Variants in KIF6 observed in about 807,000 individuals in gnomAD.
KIF6 encodes the protein kinesin-like protein KIF6.
In KIF6, 106 loss-of-function variants were observed where a neutral mutation model predicts 112.7. That is an observed-to-expected ratio of 0.94 (90% CI 0.80 to 1.11). KIF6 has a LOEUF of 1.11. Ranked by LOEUF, KIF6 falls within the 50% of genes least tolerant of loss-of-function variation. The probability of loss-of-function intolerance (pLI) is 0.00; values close to 1 mark genes in which losing one functional copy is unlikely to be tolerated. For missense variants in KIF6, 929 were observed against 964.0 expected, an observed-to-expected ratio of 0.96 and a Z score of 0.48; for synonymous variants, 339 against 339.9, an observed-to-expected ratio of 1.00 and a Z score of 0.03.
intron 3 of KIF6, among the ~76,000 whole-genome samples, chr6:39,684,330 C>T (rs970104254): frequency 2.0e-5 from 3 of 151,614 alleles, no homozygotes; most frequent in African/African-American, 7.3e-5. Context: ...GGAGAAACCC[C>T]ATCTCTACTA....
At chr6:39,654,070 A>T (rs929597831) in intron 3 of KIF6, among the ~76,000 whole-genome samples, 1 of 152,120 alleles carries the variant, frequency 6.6e-6, no homozygotes, top group African/African-American at 2.4e-5. Flanking sequence ...TTAACAAGCT[A>T]CTCTTTACAA....
chr6:39,337,188 T>TTTCC lies in KIF6; in HGVS notation c.2429-641_2429-640insGGAA, dbSNP rs1562102616. Among the ~76,000 whole-genome samples, 3 of 94,920 alleles carry TTTCC rather than the reference T, an allele frequency of 3.2e-5. 1 individual carries two copies. The highest frequency in any genetic ancestry group is 2.3e-4 in the African/African-American group (3 of 13,292). 62.3% of individuals were successfully genotyped at this position (94,920 alleles called of 152,430 possible). On this transcript the variant is annotated intron_variant, in intron 22 of 22. Coordinates refer to ENST00000287152, the MANE Select transcript of KIF6 (RefSeq NM_145027.6). Reference sequence around the variant, plus strand: ...CTTTCCTTCCTTCTTTCTTTCTTTCTTTCTTTCTTTCTTTCTTTCTTTCTT... The same window carrying TTTCC: ...CTTTCCTTCCTTCTTTCTTTCTTTCTTTCCTTCTTTCTTTCTTTCTTTCTTTCTT...
At chr6:39,462,091 T>A (rs1773514789) in intron 13 of KIF6, among the ~76,000 whole-genome samples, 1 of 152,226 alleles carries the variant, frequency 6.6e-6, no homozygotes, top group African/African-American at 2.4e-5. Context: ...GGTGCAGCTC[T>A]GGAGGCTGGA....
At chr6:39,344,202 C>G (rs963420071) in intron 21 of KIF6, among the ~76,000 whole-genome samples, 2 of 152,190 alleles carry the variant, frequency 1.3e-5, no homozygotes, top group Non-Finnish European at 2.9e-5. Flanking sequence ...TGTTTTCATA[C>G]GAGGTTTCCC....
At chr6:39,702,640 G>T (rs371181669) in intron 3 of KIF6, among the ~76,000 whole-genome samples, 1 of 152,158 alleles carries the variant, frequency 6.6e-6, no homozygotes, top group African/African-American at 2.4e-5. Context: ...GGGCTCAAAC[G>T]ATCCTCCCAC....
chr6:39,526,030 T>C (rs1777706712), intron 13 of KIF6, among the ~76,000 whole-genome samples: 1 of 152,174 alleles, frequency 6.6e-6, no homozygotes, highest in African/African-American at 2.4e-5. Flanking sequence ...TACAAGCAAC[T>C]CTTTTTCCAT....
chr6:39,698,703 A>G lies in KIF6; in HGVS notation c.251+15989T>C, dbSNP rs536670410. Among the ~76,000 whole-genome samples the G allele has an allele frequency of 3.0e-3, 455 of 152,360 alleles. 2 individuals carry two copies. Among genetic ancestry groups the G allele is most frequent in the African/African-American group, 1.0e-2 (415 of 41,586 alleles). On this transcript the variant is annotated intron_variant, in intron 3 of 22. Coordinates refer to ENST00000287152, the MANE Select transcript of KIF6 (RefSeq NM_145027.6). ...AAATAAATATTCTTAACAAGCAAAT[A>G]AAGAATTCAGCCATTGGGATTTTCT... is the stretch of plus-strand genomic sequence containing the variant.
chr6:39,509,166 A>G (rs1449664394), intron 13 of KIF6, among the ~76,000 whole-genome samples: 4 of 152,212 alleles, frequency 2.6e-5, no homozygotes, highest in Non-Finnish European at 5.9e-5. Flanking sequence ...ACTAACAAAC[A>G]GAAAGGAATA....
intron 13 of KIF6, among the ~76,000 whole-genome samples, chr6:39,536,472 G>C (rs1047759017): frequency 4.6e-5 from 7 of 151,626 alleles, no homozygotes; most frequent in African/African-American, 1.7e-4. Context: ...TAGAAGAAAT[G>C]GATAAATTCC....
At chr6:39,410,210 G>T (rs1322472756) in intron 15 of KIF6, among the ~76,000 whole-genome samples, 2 of 152,202 alleles carry the variant, frequency 1.3e-5, no homozygotes, top group Non-Finnish European at 2.9e-5. Context: ...AATAATATCT[G>T]CTGGCAAAGT....
Position 39,382,573 on chromosome 6 carries a change from C to T in KIF6, c.1861+3049G>A, listed in dbSNP as rs187079514. On this transcript the variant is annotated intron_variant, in intron 16 of 22. Transcript: ENST00000287152. ...CTTTATCCAATCTGCCATTGATGGG[C>T]ACCTAGATTGATTCCATGTCTTTGC... Among the ~76,000 whole-genome samples, 5 of 152,182 alleles carry T rather than the reference C, an allele frequency of 3.3e-5. No individual in the cohort carries two copies. In the East Asian group the frequency reaches 7.7e-4, roughly 24 times the overall value.
rs1562107948 is a variant in KIF6, at chr6:39,342,615, TTTTTTATTTTTTTTTA to T, written c.2428+1078_2428+1093del. ...TCCAGTTTTTTATTTTTTTTTATTT[TTTTTTATTTTTTTTTA>T]TTTTTAGACAAGGAAACTGAGAATG... On this transcript the variant is annotated intron_variant, in intron 22 of 22. Transcript: ENST00000287152. This position sits in a 1 kb window ranked among gnomAD's most constrained non-coding sequence, Gnocchi z 4.7. 7.7e-4 allele frequency among the ~76,000 whole-genome samples: 102 copies of T among 132,220 alleles called. 12 individuals are homozygous for T. The highest frequency in any genetic ancestry group is 3.4e-3 in the African/African-American group (96 of 28,030). The allele number at this position is 132,220 out of a possible 152,430, so 86.7% of individuals were successfully genotyped here.
At chr6:39,664,779 T>C (rs1786366852) in intron 3 of KIF6, among the ~76,000 whole-genome samples, 1 of 152,098 alleles carries the variant, frequency 6.6e-6, no homozygotes. Flanking sequence ...TCAATCATAA[T>C]CCCCAAAGAT....
chr6:39,377,738 T>C (rs960744604), intron 16 of KIF6, among the ~76,000 whole-genome samples: 3 of 152,120 alleles, frequency 2.0e-5, no homozygotes. Context: ...CTTCAGAGCC[T>C]CTCTCCAACC....
At chr6:39,609,519 T>C (rs1783092224) in intron 6 of KIF6, among the ~76,000 whole-genome samples, 1 of 152,110 alleles carries the variant, frequency 6.6e-6, no homozygotes, top group South Asian at 2.1e-4. Flanking sequence ...CTGAATAGGA[T>C]GAAGTTCCAG....
intron 9 of KIF6, among the ~76,000 whole-genome samples, chr6:39,580,449 TTTTC>T (rs1224576913): frequency 6.6e-6 from 1 of 152,084 alleles, no homozygotes; most frequent in Non-Finnish European, 1.5e-5. Flanking sequence ...GTTTTTCTTC[TTTTC>T]TAATTCTTAT....
chr6:39,414,215 G>A lies in KIF6; in HGVS notation c.1810+5733C>T, dbSNP rs190533383. On this transcript the variant is annotated intron_variant, in intron 15 of 22. Transcript: ENST00000287152. ...TGCCTGCCCTTAATCAGGCTTTCTC[G>A]AGTCCTTATTTGTGCTGGTTTTGGT... 2.4e-3 allele frequency among the ~76,000 whole-genome samples: 367 copies of A among 152,066 alleles called. 3 individuals are homozygous for A. Among genetic ancestry groups the A allele is most frequent in the African/African-American group, 8.3e-3 (343 of 41,464 alleles).
intron 6 of KIF6, among the ~76,000 whole-genome samples, chr6:39,604,506 G>T (rs1782774779): frequency 6.6e-6 from 1 of 152,096 alleles, no homozygotes; most frequent in African/African-American, 2.4e-5. Flanking sequence ...TGGAATTAAT[G>T]ATCCTAAACT....
intron 13 of KIF6, among the ~76,000 whole-genome samples, chr6:39,508,057 T>A (rs1776543202): frequency 6.7e-6 from 1 of 149,636 alleles, no homozygotes; most frequent in Admixed American, 6.7e-5. Context: ...GTCCTCTTCC[T>A]CTGCTTTTCT....
Sources: gnomAD v4.1 joint callset for allele counts (sites outside exome capture counted in the v4.1 genomes callset) on GRCh38, gnomAD v4.1.1 for gene constraint, Gnocchi (gnomAD v3.1) non-coding constraint, MANE v1.5 for transcripts, NCBI Gene and HGNC (gene_info 2026-07-23, HGNC 2026-07-21) for gene names.